The following EHBP1 variants were observed in gnomAD, a reference collection of about 807,000 sequenced individuals.
The protein encoded by EHBP1 is EH domain-binding protein 1.
In EHBP1, 55 loss-of-function variants were observed where a neutral mutation model predicts 144.0. That is an observed-to-expected ratio of 0.38 (90% CI 0.31 to 0.48). The LOEUF (loss-of-function observed/expected upper bound fraction) is 0.48, where lower values mean the gene tolerates loss of function less well. EHBP1 is among the 20% of genes least tolerant of loss of function. The pLI is 0.98. For missense variants in EHBP1, 1,200 were observed against 1,364.2 expected, an observed-to-expected ratio of 0.88 and a Z score of 1.90; for synonymous variants, 469 against 472.7, an observed-to-expected ratio of 0.99 and a Z score of 0.10.
intron 1 of EHBP1, among the ~76,000 whole-genome samples, chr2:62,687,390 A>T (rs2033753213): frequency 6.6e-6 from 1 of 152,214 alleles, no homozygotes; most frequent in Non-Finnish European, 1.5e-5. Flanking sequence ...TCCCTTGTTC[A>T]CCTATGTGAA....
intron 10 of EHBP1, among the ~76,000 whole-genome samples, chr2:62,891,393 T>G (rs1418177769): frequency 6.6e-6 from 1 of 152,114 alleles, no homozygotes; most frequent in Non-Finnish European, 1.5e-5. Context: ...TTGATATAAG[T>G]CCCAACTTGA....
chr2:62,996,828 G>A lies in EHBP1; in HGVS notation c.3103+62G>A, dbSNP rs1574409647. On this transcript the variant is annotated intron_variant, in intron 19 of 22. Transcript: ENST00000431489. ...AATTGAGCGTTCACAAACTCTTATA[G>A]AGTTTTGGAAGTGTGAATCTTTGAA... 3.8e-6 allele frequency: 6 copies of A among 1,581,970 alleles called. No homozygotes were observed. In the East Asian group the frequency reaches 1.4e-4, roughly 36 times the overall value.
At chr2:62,962,692 A>G (rs1263453436) in intron 14 of EHBP1, among the ~76,000 whole-genome samples, 1 of 152,220 alleles carries the variant, frequency 6.6e-6, no homozygotes, top group Admixed American at 6.5e-5. Flanking sequence ...AACAAATCTA[A>G]AAAGAGAATC....
intron 21 of EHBP1, among the ~76,000 whole-genome samples, chr2:63,042,523 C>A (rs867282769): frequency 9.2e-5 from 14 of 151,874 alleles, no homozygotes; most frequent in Admixed American, 7.2e-4. Context: ...TAAATTTATG[C>A]TGGGATATTT....
chr2:62,846,200 C>T (rs1573680267), intron 7 of EHBP1, among the ~76,000 whole-genome samples: 1 of 152,148 alleles, frequency 6.6e-6, no homozygotes, highest in Non-Finnish European at 1.5e-5. Context: ...TTCTGAGGCT[C>T]TGGGAGAATT....
intron 5 of EHBP1, among the ~76,000 whole-genome samples, chr2:62,825,827 T>C (rs947451281): frequency 2.0e-5 from 3 of 152,070 alleles, no homozygotes. Context: ...TGCTTCTCCT[T>C]TTCTGGTGTT....
rs796428395 is a variant in EHBP1, at chr2:62,759,892, CTA to C, written c.163-4372_163-4371del. Among the ~76,000 whole-genome samples, 66 of 152,234 alleles carry C rather than the reference CTA, an allele frequency of 4.3e-4. 1 individual carries two copies. The highest frequency in any genetic ancestry group is 1.4e-3 in the African/African-American group (58 of 41,536). On this transcript the variant is annotated intron_variant, in intron 3 of 22. Transcript: ENST00000431489. ...AGTAAATTCTTAGAAAACAGTAACACTATTTTTTTTTGGTCAGATTTTCCACT... is the reference window on the plus strand; with the variant it reads ...AGTAAATTCTTAGAAAACAGTAACACTTTTTTTTTGGTCAGATTTTCCACT...
chr2:62,997,860 T>A (rs1363749327), intron 19 of EHBP1, among the ~76,000 whole-genome samples: 1 of 152,102 alleles, frequency 6.6e-6, no homozygotes, highest in Non-Finnish European at 1.5e-5. Flanking sequence ...TCCTAAATCA[T>A]CTTCAGAGGC....
At chr2:62,898,179 A>G (rs1028269881) in intron 10 of EHBP1, among the ~76,000 whole-genome samples, 13 of 152,196 alleles carry the variant, frequency 8.5e-5, no homozygotes, top group Non-Finnish European at 1.8e-4. Flanking sequence ...CGCGGGAGTG[A>G]CATAATCTGA....
chr2:62,916,497 G>A (rs2054626246), intron 10 of EHBP1, among the ~76,000 whole-genome samples: 1 of 151,626 alleles, frequency 6.6e-6, no homozygotes, highest in South Asian at 2.1e-4. Flanking sequence ...AGTGGATGAG[G>A]CTTGAGAATC....
Position 63,045,263 on chromosome 2 carries a change from G to C in EHBP1, c.3392+83G>C. On this transcript the variant is annotated intron_variant, in intron 22 of 22. Transcript: ENST00000431489. The surrounding 1 kb of genome is among the most constrained non-coding windows in gnomAD (Gnocchi z 5.7). ...GTGCGGAAAGTTCAATCCAGAGGTC[G>C]CGGGAGGGCCGGGGCAGCCTCCCAC... 2 of 1,439,088 alleles carry C rather than the reference G, an allele frequency of 1.4e-6. No individual in the cohort carries two copies. Among genetic ancestry groups the C allele is most frequent in the Non-Finnish European group, 1.9e-6 (2 of 1,046,834 alleles). The allele number at this position is 1,439,088 out of a possible 1,614,324, so 89.1% of individuals were successfully genotyped here.
At chr2:63,019,015 A>T (rs755242976) in intron 19 of EHBP1, among the ~76,000 whole-genome samples, 3 of 152,234 alleles carry the variant, frequency 2.0e-5, no homozygotes, top group Non-Finnish European at 4.4e-5. Flanking sequence ...ATAACATGTT[A>T]TACATGGAAT....
chr2:62,736,155 CT>C (rs573527038), intron 2 of EHBP1, among the ~76,000 whole-genome samples: 1 of 128,802 alleles, frequency 7.8e-6, no homozygotes, highest in Non-Finnish European at 1.7e-5. Context: ...GTAGTGACAT[CT>C]TTTGTAGTTG....
chr2:62,753,196 G>C (rs2039925050), intron 3 of EHBP1, among the ~76,000 whole-genome samples: 1 of 152,190 alleles, frequency 6.6e-6, no homozygotes, highest in Non-Finnish European at 1.5e-5. Flanking sequence ...GGGCAGGCCT[G>C]ATGGTGACAA....
chr2:62,929,466 A>G (rs1022587757), intron 10 of EHBP1, among the ~76,000 whole-genome samples: 22 of 152,230 alleles, frequency 1.4e-4, no homozygotes, highest in Non-Finnish European at 2.1e-4. Context: ...AATGAAGGAG[A>G]TAGTACATGT....
At chr2:62,757,270 G>A (rs182896775) in intron 3 of EHBP1, among the ~76,000 whole-genome samples, 2 of 152,086 alleles carry the variant, frequency 1.3e-5, no homozygotes, top group East Asian at 1.9e-4. Context: ...CTGGAGAGGC[G>A]TGCACCACCA....
chr2:62,758,967 T>C (rs534021616), intron 3 of EHBP1, among the ~76,000 whole-genome samples: 64 of 152,360 alleles, frequency 4.2e-4, no homozygotes, highest in African/African-American at 1.5e-3. Context: ...CTGAAATATT[T>C]CAATTTTACA....
At chr2:62,877,309 A>G (rs950192192) in intron 10 of EHBP1, among the ~76,000 whole-genome samples, 1 of 152,218 alleles carries the variant, frequency 6.6e-6, no homozygotes, top group Non-Finnish European at 1.5e-5. Flanking sequence ...AGGCTTAGCT[A>G]TCCTAAATAA....
chr2:62,986,535 TGG>T (rs1334510713), intron 15 of EHBP1, among the ~76,000 whole-genome samples: 4 of 151,274 alleles, frequency 2.6e-5, no homozygotes, highest in Admixed American at 6.6e-5. Context: ...CTCCACCTTC[TGG>T]TTTTAAGCCA....
Sources: gnomAD v4.1 joint callset for allele counts (sites outside exome capture counted in the v4.1 genomes callset) on GRCh38, gnomAD v4.1.1 for gene constraint, Gnocchi (gnomAD v3.1) non-coding constraint, MANE v1.5 for transcripts, NCBI Gene and HGNC (gene_info 2026-07-23, HGNC 2026-07-21) for gene names.